BRSK1: variants seen among roughly 807,000 people sequenced by gnomAD.
BRSK1 encodes the protein serine/threonine-protein kinase BRSK1.
A neutral mutation model predicts 86.2 loss-of-function variants in BRSK1; 17 were observed. That is an observed-to-expected ratio of 0.20 (90% confidence interval 0.14 to 0.30). BRSK1 has a LOEUF of 0.30. BRSK1 is among the 10% of genes least tolerant of loss of function. The pLI is 1.00. For missense variants in BRSK1, 719 were observed against 1,071.9 expected (o/e 0.67, Z 4.60); for synonymous variants, 464 against 440.1 (o/e 1.05, Z -0.68).
At position 55,302,193 on chromosome 19, in the gene BRSK1, T is replaced by A. The variant is rs367756451; in HGVS notation, c.857+25T>A. 6 of 1,609,936 alleles carry A rather than the reference T, an allele frequency of 3.7e-6. No individual in the cohort carries two copies. The highest frequency in any genetic ancestry group is 1.7e-4 in the Middle Eastern group (1 of 6,042). On this transcript the variant is annotated intron_variant, in intron 9 of 18. Coordinates refer to ENST00000309383, the MANE Select transcript of BRSK1 (RefSeq NM_032430.2). This position sits in a 1 kb window ranked among gnomAD's most constrained non-coding sequence, Gnocchi z 6.3. ...TGTGAGTATGGGGTAACTGGACTCT[T>A]GGGTCCCTGGCGGAAATAGGGGAGG...
intron 7 of BRSK1, among the ~76,000 whole-genome samples, chr19:55,300,269 G>C (rs2088551434): frequency 6.6e-6 from 1 of 152,208 alleles, no homozygotes; most frequent in African/African-American, 2.4e-5. Flanking sequence ...AGTCCTGACT[G>C]TGGGCCCAGC....
intron 7 of BRSK1, among the ~76,000 whole-genome samples, chr19:55,295,701 C>T (rs1371680730): frequency 2.0e-5 from 3 of 152,200 alleles, no homozygotes; most frequent in Non-Finnish European, 4.4e-5. Context: ...GGCACGGAGG[C>T]TCACACCTGT....
chr19:55,296,005 C>T (rs557914943), intron 7 of BRSK1, among the ~76,000 whole-genome samples: 16 of 152,156 alleles, frequency 1.1e-4, no homozygotes, highest in African/African-American at 3.9e-4. Flanking sequence ...AGGCTATCAG[C>T]CCTGCTCCTA....
At position 55,284,269 on chromosome 19, in the gene BRSK1, G is replaced by A; in HGVS notation, c.-174G>A. ...CCCCGGGCCAGCCCCCCCTCCCCCAGCTCCGCGGCCCGCCGACTGGGGGGG... is the reference window on the plus strand; with the variant it reads ...CCCCGGGCCAGCCCCCCCTCCCCCAACTCCGCGGCCCGCCGACTGGGGGGG... On this transcript the variant is annotated 5_prime_UTR_variant, in exon 1 of 19. Transcript: ENST00000309383. 1.9e-6 allele frequency: 1 copy of A among 515,404 alleles called. No homozygotes were observed. The highest frequency in any genetic ancestry group is 3.0e-6 in the Non-Finnish European group (1 of 338,806). 31.9% of individuals were successfully genotyped at this position (515,404 alleles called of 1,614,324 possible).
At chr19:55,299,965 G>C (rs935432531) in intron 7 of BRSK1, among the ~76,000 whole-genome samples, 2 of 152,072 alleles carry the variant, frequency 1.3e-5, no homozygotes, top group African/African-American at 4.8e-5. Flanking sequence ...TTGTCCATGG[G>C]GGGTCACCTT....
chr19:55,308,285 A>G (rs2088694157), intron 17 of BRSK1, among the ~76,000 whole-genome samples: 1 of 107,366 alleles, frequency 9.3e-6, no homozygotes, highest in Non-Finnish European at 1.8e-5. Flanking sequence ...TCGGCATTCC[A>G]GAGTGTTGGG....
At chr19:55,284,637 G>C (rs1471141118) in intron 1 of BRSK1, 59 bp downstream of exon 1, 1 of 1,253,028 alleles carries the variant, frequency 8.0e-7, no homozygotes, top group African/African-American at 1.6e-5. Context: ...GGCGGCAGAG[G>C]CGGGACTCAG....
At chr19:55,295,003 T>C (rs991663547) in intron 7 of BRSK1, among the ~76,000 whole-genome samples, 3 of 152,214 alleles carry the variant, frequency 2.0e-5, no homozygotes, top group Non-Finnish European at 4.4e-5. Flanking sequence ...GGTTTCACCA[T>C]GTTGGCCAGG....
At chr19:55,309,587 G>A (rs986288828) in intron 18 of BRSK1, among the ~76,000 whole-genome samples, 5 of 152,148 alleles carry the variant, frequency 3.3e-5, no homozygotes, top group African/African-American at 4.8e-5. Flanking sequence ...TGGCAGAAGG[G>A]GCAAGGGAAC....
At position 55,304,835 on chromosome 19, in the gene BRSK1, C is replaced by T. The variant is rs1188306016; in HGVS notation, c.1632C>T (p.Val544=). Residue 544 remains valine (V), a synonymous_variant, in exon 14 of 19, where the codon GTC becomes GTT. Transcript: ENST00000309383. This position sits in a 1 kb window ranked among gnomAD's most constrained non-coding sequence, Gnocchi z 5.2. ...TTPPPSPGGG[V]GGAAWRSRLN... ...CACCCCCCAGCCCCGGCGGTGGCGT[C>T]GGGGGAGCCGCCTGGAGGAGTCGTC... The T allele has an allele frequency of 1.9e-6, 3 of 1,600,326 alleles. No homozygotes were observed. The highest frequency in any genetic ancestry group is 3.4e-5 in the Admixed American group (2 of 58,604).
At chr19:55,311,797 G>C (rs2088802742) in intron 18 of BRSK1, 114 bp from the exon 19 acceptor site, 3 of 1,119,678 alleles carry the variant, frequency 2.7e-6, no homozygotes, top group Non-Finnish European at 3.8e-6. Context: ...ATTGGAGCTA[G>C]AGCCTCGGGG....
intron 7 of BRSK1, among the ~76,000 whole-genome samples, chr19:55,299,112 T>C (rs2088532885): frequency 6.6e-6 from 1 of 152,014 alleles, no homozygotes; most frequent in South Asian, 2.1e-4. Flanking sequence ...GCCGAGGTCA[T>C]GCCACTGCAC....
At position 55,311,999 on chromosome 19, in the gene BRSK1, C is replaced by G; in HGVS notation, c.2268C>G (p.Ser756Arg). ...PPPGRPDPEL[S>R]SSPRRGPPKD... ...CCGGCCGCCCAGACCCAGAGCTGAG[C>G]AGCTCTCCCCGCCGAGGCCCCCCCA... The change falls in exon 19 of 19, where the codon AGC becomes AGG. Residue 756 changes from serine (S) to arginine (R), a missense_variant. This residue lies in a region of BRSK1 where 82 missense variants were observed against 72.6 expected (regional missense o/e 1.13). Coordinates refer to ENST00000309383, the MANE Select transcript of BRSK1 (RefSeq NM_032430.2). 1 of 1,541,526 alleles carries G rather than the reference C, an allele frequency of 6.5e-7. No individual in the cohort carries two copies.
chr19:55,297,076 T>G (rs947796822), intron 7 of BRSK1, among the ~76,000 whole-genome samples: 6 of 152,194 alleles, frequency 3.9e-5, no homozygotes, highest in Non-Finnish European at 8.8e-5. Flanking sequence ...AGTTTTTTTG[T>G]TTGTGTGTGT....
At chr19:55,305,771 A>T (rs933403229) in intron 16 of BRSK1, among the ~76,000 whole-genome samples, 185 bp downstream of exon 16, 2 of 152,166 alleles carry the variant, frequency 1.3e-5, no homozygotes, top group Admixed American at 6.5e-5. Context: ...GAGGCCTGGA[A>T]TTGGGGAAAT....
In BRSK1 at chr19:55,302,631, A is replaced by G; in HGVS notation, c.858-66A>G. On this transcript the variant is annotated intron_variant, in intron 9 of 18. Coordinates refer to ENST00000309383, the MANE Select transcript of BRSK1 (RefSeq NM_032430.2). This position sits in a 1 kb window ranked among gnomAD's most constrained non-coding sequence, Gnocchi z 6.3. ...CGGATTTCGGGGTCCGGGATCATTG[A>G]GTCTAGAATGAAGAATGCTGAATCT... is the stretch of plus-strand genomic sequence containing the variant. The G allele has an allele frequency of 1.3e-6, 2 of 1,537,764 alleles. No individual in the cohort carries two copies. The highest frequency in any genetic ancestry group is 1.8e-6 in the Non-Finnish European group (2 of 1,135,814).
intron 7 of BRSK1, among the ~76,000 whole-genome samples, chr19:55,298,209 CTTTTTTTTTT>C (rs71181751): frequency 4.9e-4 from 34 of 69,624 alleles, no homozygotes; most frequent in Non-Finnish European, 2.9e-4. Flanking sequence ...TTTGTTTCTT[CTTTTTTTTTT>C]TTTTTTTTTT....
At chr19:55,288,711 G>T (rs1448408754) in intron 3 of BRSK1, among the ~76,000 whole-genome samples, 3 of 151,806 alleles carry the variant, frequency 2.0e-5, no homozygotes, top group African/African-American at 7.3e-5. Flanking sequence ...TCAGCCTCCC[G>T]AGTGGCTGGG....
At chr19:55,299,600 G>C (rs2088541839) in intron 7 of BRSK1, among the ~76,000 whole-genome samples, 1 of 152,046 alleles carries the variant, frequency 6.6e-6, no homozygotes, top group African/African-American at 2.4e-5. Context: ...TGGCCAGGCT[G>C]GTGTCAAACT....
Sources: allele counts gnomAD v4.1 joint callset (sites outside exome capture counted in the v4.1 genomes callset), GRCh38; gene constraint gnomAD v4.1.1; regional missense constraint gnomAD v4.1.1; non-coding constraint Gnocchi (gnomAD v3.1); transcripts MANE v1.5; gene names NCBI Gene and HGNC (gene_info 2026-07-23, HGNC 2026-07-21).